EMX1: variants seen among roughly 807,000 people sequenced by gnomAD.
The protein encoded by EMX1 is homeobox protein EMX1.
Under a neutral mutation model 20.1 loss-of-function variants are expected in EMX1, and 10 were observed. That is an observed-to-expected ratio of 0.50 (90% CI 0.31 to 0.84). The LOEUF is 0.84. Among genes scored for constraint, EMX1 ranks in the 40% least tolerant of loss-of-function variants. EMX1 has a pLI of 0.05. For missense variants in EMX1, 424 were observed against 431.9 expected (o/e 0.98, Z 0.16); for synonymous variants, 250 against 200.4 (o/e 1.25, Z -2.09).
Position 72,917,737 on chromosome 2 carries a change from G to T in EMX1, c.-116G>T, listed in dbSNP as rs947062144. The T allele has an allele frequency of 1.6e-5, 16 of 1,026,882 alleles. No individual in the cohort carries two copies. Among genetic ancestry groups the T allele is most frequent in the Non-Finnish European group, 1.7e-5 (14 of 813,678 alleles). The allele number at this position is 1,026,882 out of a possible 1,614,324, so 63.6% of individuals were successfully genotyped here. A position where few individuals can be genotyped will look rare whatever the true frequency, so the allele number is the denominator to read the frequency against. ...GCCGCCGCGCCTGGCCGTACGCTGT[G>T]GCCGGACCCCGCGGTCGCTCGCTCA... On this transcript the variant is annotated 5_prime_UTR_variant, in exon 1 of 3. Transcript: ENST00000258106.
At chr2:72,925,649 C>T (rs1175621111) in intron 2 of EMX1, 3 of 1,169,626 alleles carry the variant, frequency 2.6e-6, no homozygotes, top group East Asian at 1.4e-4. Context: ...AAGTCCCGGG[C>T]AGTGAGAAGA....
intron 1 of EMX1, among the ~76,000 whole-genome samples, chr2:72,921,476 C>CG (rs923882787): frequency 6.6e-6 from 1 of 152,138 alleles, no homozygotes; most frequent in Non-Finnish European, 1.5e-5. Context: ...TCCCACAGGT[C>CG]GGGGGGCGGG....
chr2:72,917,458 G>GC (rs1036001491), upstream of EMX1: 3 of 197,398 alleles, frequency 1.5e-5, no homozygotes, highest in Admixed American at 5.5e-5. Flanking sequence ...GCCCCGCCCC[G>GC]CCCCCCACCT....
chr2:72,916,877 C>T (rs1257381403), upstream of EMX1: 2 of 717,184 alleles, frequency 2.8e-6, no homozygotes. Flanking sequence ...CTGCTTCCAG[C>T]CCCGCGAACA....
At chr2:72,917,503 G>A (rs1670986387), upstream of EMX1, 1 of 185,376 alleles carries the variant, frequency 5.4e-6, no homozygotes, top group Non-Finnish European at 1.1e-5. Flanking sequence ...GGGCGAGCGC[G>A]GGGCAGGTGC....
rs772267652 is a variant in EMX1, at chr2:72,918,200, G to A, written c.348G>A (p.Glu116=). Residue 116 remains glutamate, a synonymous_variant, in exon 1 of 3, where the codon GAG becomes GAA. Coordinates refer to ENST00000258106, the MANE Select transcript of EMX1 (RefSeq NM_004097.3). ...GAGRSLYGGP[E]LVFPEAMNHP... ...GCCGCTCGCTCTACGGTGGGCCCGA[G>A]CTCGTGTTCCCCGAGGCCATGAACC... The A allele has an allele frequency of 6.4e-7, 1 of 1,559,642 alleles. No individual in the cohort carries two copies. The highest frequency in any genetic ancestry group is 1.2e-5 in the South Asian group (1 of 86,694).
rs1206204732 is a variant in EMX1, at chr2:72,917,867, G to C, written c.15G>C (p.Gly5=). The change falls in exon 1 of 3, where the codon GGG becomes GGC. Residue 5 remains glycine, a synonymous_variant. Coordinates refer to ENST00000258106, the MANE Select transcript of EMX1 (RefSeq NM_004097.3). MCLA[G]CTPRKAAAPG... is the part of the protein sequence containing the mutation. ...GGCGGGTGTGCATGTGCCTGGCTGG[G>C]TGCACACCCCGCAAGGCGGCGGCGC... is the stretch of plus-strand genomic sequence containing the variant. The C allele has an allele frequency of 2.7e-6, 4 of 1,473,932 alleles. No homozygotes were observed. Among genetic ancestry groups the C allele is most frequent in the African/African-American group, 1.5e-5 (1 of 68,166 alleles). The allele number at this position is 1,473,932 out of a possible 1,614,324, so 91.3% of individuals were successfully genotyped here.
chr2:72,917,689 G>A lies in EMX1; in HGVS notation c.-164G>A. 2 of 545,400 alleles carry A rather than the reference G, an allele frequency of 3.7e-6. No homozygotes were observed. The highest frequency in any genetic ancestry group is 5.1e-6 in the Non-Finnish European group (2 of 391,390). 33.8% of individuals were successfully genotyped at this position (545,400 alleles called of 1,614,324 possible). A position where few individuals can be genotyped will look rare whatever the true frequency, so the allele number is the denominator to read the frequency against. On this transcript the variant is annotated 5_prime_UTR_variant, in exon 1 of 3. Transcript: ENST00000258106. ...GAGCCCGCGCCTGTGCGGGCGCCTG[G>A]AGCTGCCCGCTCCGCCGCAGCAGCC...
chr2:72,926,919 T>TA (rs1671215197), intron 2 of EMX1, among the ~76,000 whole-genome samples: 1 of 152,186 alleles, frequency 6.6e-6, no homozygotes. Context: ...TCTTGGTACT[T>TA]ACCAGGCAAG....
intron 2 of EMX1, chr2:72,925,849 T>TC: frequency 1.0e-6 from 1 of 985,428 alleles, no homozygotes; most frequent in East Asian, 1.1e-4. Context: ...TACAAATCGC[T>TC]CACGGGTCGG....
chr2:72,921,578 A>G lies in EMX1; in HGVS notation c.521-2731A>G, dbSNP rs888795898. On this transcript the variant is annotated intron_variant, in intron 1 of 2. Coordinates refer to ENST00000258106, the MANE Select transcript of EMX1 (RefSeq NM_004097.3). ...TGTTTCTCAGGATGTTTGGTGTTGT[A>G]CTAAACATCCTCTTTCTAACAGGGA... Among the ~76,000 whole-genome samples, 5 of 152,330 alleles carry G rather than the reference A, an allele frequency of 3.3e-5. No homozygotes were observed. The East Asian group carries it at 9.7e-4, about 29-fold the overall frequency.
chr2:72,916,951 T>C (rs761677273), upstream of EMX1: 83 of 716,938 alleles, frequency 1.2e-4, no homozygotes, highest in Non-Finnish European at 1.8e-4. Flanking sequence ...CCTGGCCCCT[T>C]GTGAAGGGAG....
chr2:72,920,550 G>C (rs1573895515), intron 1 of EMX1, among the ~76,000 whole-genome samples: 1 of 152,164 alleles, frequency 6.6e-6, no homozygotes, highest in Non-Finnish European at 1.5e-5. Flanking sequence ...GAGCCGTCTC[G>C]GGCCCTCCGG....
At position 72,917,690 on chromosome 2, in the gene EMX1, A is replaced by C. The variant is rs971898499; in HGVS notation, c.-163A>C. On this transcript the variant is annotated 5_prime_UTR_variant, in exon 1 of 3. Transcript: ENST00000258106. ...AGCCCGCGCCTGTGCGGGCGCCTGG[A>C]GCTGCCCGCTCCGCCGCAGCAGCCG... is the stretch of plus-strand genomic sequence containing the variant. 7.3e-6 allele frequency: 4 copies of C among 548,122 alleles called. No individual in the cohort carries two copies. The Admixed American group carries it at 2.0e-4, about 28-fold the overall frequency. The allele number at this position is 548,122 out of a possible 1,614,324, so 34.0% of individuals were successfully genotyped here. A position where few individuals can be genotyped will look rare whatever the true frequency, so the allele number is the denominator to read the frequency against.
upstream of EMX1, chr2:72,917,452 C>T: frequency 5.1e-6 from 1 of 197,116 alleles, no homozygotes; most frequent in Non-Finnish European, 1.0e-5. Flanking sequence ...CGCCCCGCCC[C>T]GCCCCGCCCC....
intron 1 of EMX1, among the ~76,000 whole-genome samples, chr2:72,921,919 C>T (rs1671110635): frequency 6.6e-6 from 1 of 152,232 alleles, no homozygotes; most frequent in Non-Finnish European, 1.5e-5. Flanking sequence ...AAGACAAACA[C>T]AGAGCACTCC....
chr2:72,923,744 G>C (rs1671141953), intron 1 of EMX1: 1 of 183,080 alleles, frequency 5.5e-6, no homozygotes, highest in Non-Finnish European at 1.2e-5. Flanking sequence ...TGCTCCTTGT[G>C]TACCTTCTAG....
chr2:72,922,720 C>T (rs1336717033), intron 1 of EMX1, among the ~76,000 whole-genome samples: 1 of 152,244 alleles, frequency 6.6e-6, no homozygotes, highest in Non-Finnish European at 1.5e-5. Flanking sequence ...GGAGTTTCCA[C>T]CAACAGAGGG....
intron 2 of EMX1, among the ~76,000 whole-genome samples, chr2:72,929,135 C>T (rs1057275666): frequency 2.6e-5 from 4 of 152,186 alleles, no homozygotes; most frequent in African/African-American, 9.7e-5. Context: ...AATCAAGAGA[C>T]ATTTGTTCCT....
Sources: allele counts gnomAD v4.1 joint callset (sites outside exome capture counted in the v4.1 genomes callset), GRCh38; gene constraint gnomAD v4.1.1; transcripts MANE v1.5; gene names NCBI Gene and HGNC (gene_info 2026-07-23, HGNC 2026-07-21).